The following B4GALT5 variants were observed in gnomAD, a reference collection of about 807,000 sequenced individuals.
B4GALT5 encodes the protein UDP-Gal:beta-GlcNAc beta-1,4-galactosyltransferase 5.
B4GALT5 carries 11 observed loss-of-function variants against 45.0 expected under a neutral mutation model. That is an observed-to-expected ratio of 0.24 (90% CI 0.15 to 0.40). The LOEUF is 0.40. Ranked by LOEUF, B4GALT5 falls within the 10% of genes least tolerant of loss-of-function variation. The pLI is 1.00. For synonymous variants in B4GALT5, 185 were observed against 182.9 expected, an observed-to-expected ratio of 1.01 and a Z score of -0.09; for missense variants, 337 against 500.2, an observed-to-expected ratio of 0.67 and a Z score of 3.11.
intron 1 of B4GALT5, among the ~76,000 whole-genome samples, chr20:49,676,863 C>T (rs570378742): frequency 1.4e-4 from 21 of 152,358 alleles, no homozygotes; most frequent in Admixed American, 6.5e-4. Context: ...AGATGACTAG[C>T]ACTGCTGTTT....
Position 49,695,174 on chromosome 20 carries a change from C to T in B4GALT5, c.115+18402G>A, listed in dbSNP as rs150454287. Reference sequence around the variant, plus strand: ...CTCCAATTTTTCATAATCTCTATGGCTTTTATTGAACAATCTGGCATAGTG... The same window carrying T: ...CTCCAATTTTTCATAATCTCTATGGTTTTTATTGAACAATCTGGCATAGTG... On this transcript the variant is annotated intron_variant, in intron 1 of 8. Coordinates refer to ENST00000371711, the MANE Select transcript of B4GALT5 (RefSeq NM_004776.4). 6.0e-5 allele frequency among the ~76,000 whole-genome samples: 9 copies of T among 149,246 alleles called. No homozygotes were observed. The East Asian group carries it at 1.8e-3, about 29-fold the overall frequency.
At chr20:49,708,659 T>C (rs1169718737) in intron 1 of B4GALT5, among the ~76,000 whole-genome samples, 1 of 152,076 alleles carries the variant, frequency 6.6e-6, no homozygotes, top group Non-Finnish European at 1.5e-5. Flanking sequence ...ATTAATAAAA[T>C]GTCATCGGCC....
chr20:49,643,439 C>A, intron 4 of B4GALT5, 87 bp downstream of exon 4: 1 of 1,513,998 alleles, frequency 6.6e-7, no homozygotes, highest in South Asian at 1.2e-5. Flanking sequence ...GACAAAATGT[C>A]ATGGTTAGCT....
rs1269138256 is a variant in B4GALT5 at position 49,635,065 on chromosome 20, T to C, written c.*1247A>G. The stretch of plus-strand genomic sequence containing the variant: ...TCCCTATTTGAGTGCTCCTTGGTTC[T>C]ATGTATCAGTTACTAATGTTGACAA... On this transcript the variant is annotated 3_prime_UTR_variant, in exon 9 of 9. Transcript: ENST00000371711. 1 of 152,246 alleles carries C rather than the reference T, an allele frequency of 6.6e-6. No homozygotes were observed. Among genetic ancestry groups the C allele is most frequent in the Admixed American group, 6.5e-5 (1 of 15,288 alleles). 9.4% of individuals were successfully genotyped at this position (152,246 alleles called of 1,614,324 possible).
chr20:49,689,877 T>G (rs2085802981), intron 1 of B4GALT5, among the ~76,000 whole-genome samples: 1 of 152,200 alleles, frequency 6.6e-6, no homozygotes, highest in Non-Finnish European at 1.5e-5. Context: ...TCTCTCAGAA[T>G]AAATGTTTTT....
intron 1 of B4GALT5, chr20:49,684,615 A>G (rs776282865): frequency 3.9e-6 from 2 of 518,930 alleles, no homozygotes; most frequent in South Asian, 1.4e-5. Flanking sequence ...CAAGGACATA[A>G]GCACGCAAAA....
At chr20:49,657,999 C>A (rs1029635393) in intron 1 of B4GALT5, among the ~76,000 whole-genome samples, 2 of 152,126 alleles carry the variant, frequency 1.3e-5, no homozygotes, top group East Asian at 1.9e-4. Context: ...GATTTCAAAT[C>A]ATCTCTTAAG....
At chr20:49,671,441 T>C (rs1438671992) in intron 1 of B4GALT5, among the ~76,000 whole-genome samples, 1 of 152,148 alleles carries the variant, frequency 6.6e-6, no homozygotes, top group Non-Finnish European at 1.5e-5. Context: ...GGAGCAGTAA[T>C]AAAAGCAGAG....
chr20:49,639,896 G>A, intron 6 of B4GALT5, 96 bp from the exon 7 acceptor site: 1 of 1,504,204 alleles, frequency 6.6e-7, no homozygotes, highest in Non-Finnish European at 9.0e-7. Flanking sequence ...AGTGCTCTCT[G>A]TGCTCCTGAC....
intron 1 of B4GALT5, among the ~76,000 whole-genome samples, chr20:49,671,605 G>A (rs2085716263): frequency 2.0e-5 from 3 of 152,142 alleles, no homozygotes; most frequent in Non-Finnish European, 4.4e-5. Flanking sequence ...CTGTGTGGCA[G>A]AATTACAGGT....
At chr20:49,643,465 C>G in intron 4 of B4GALT5, 61 bp downstream of exon 4, 2 of 1,594,940 alleles carry the variant, frequency 1.3e-6, no homozygotes, top group Non-Finnish European at 1.7e-6. Context: ...CATGGTGATT[C>G]GGACCAAAGG....
intron 1 of B4GALT5, among the ~76,000 whole-genome samples, chr20:49,673,641 C>T (rs987561209): frequency 6.6e-6 from 1 of 152,110 alleles, no homozygotes; most frequent in Non-Finnish European, 1.5e-5. Flanking sequence ...GATCACTTCT[C>T]GGCCTTCTGG....
At chr20:49,665,836 C>A (rs1345006119) in intron 1 of B4GALT5, among the ~76,000 whole-genome samples, 3 of 151,064 alleles carry the variant, frequency 2.0e-5, no homozygotes, top group Non-Finnish European at 4.4e-5. Flanking sequence ...GAGGGAGCAG[C>A]ATAAATGAAA....
intron 1 of B4GALT5, among the ~76,000 whole-genome samples, chr20:49,694,866 A>C (rs2085832279): frequency 6.6e-6 from 1 of 150,718 alleles, no homozygotes. Context: ...ACACCCCTGA[A>C]GCATCTACCA....
chr20:49,707,756 A>G (rs1424445189), intron 1 of B4GALT5, among the ~76,000 whole-genome samples: 2 of 152,072 alleles, frequency 1.3e-5, no homozygotes, highest in African/African-American at 4.8e-5. Flanking sequence ...CTGGGATTAC[A>G]GGCAGGCACC....
intron 1 of B4GALT5, among the ~76,000 whole-genome samples, chr20:49,678,188 A>C (rs1329322486): frequency 6.6e-6 from 1 of 152,214 alleles, no homozygotes; most frequent in African/African-American, 2.4e-5. Flanking sequence ...TGGGGCCTTG[A>C]TCTCACCCCT....
rs1302918297 is a variant in B4GALT5, at chr20:49,687,757, A to C, written c.115+25819T>G. 2.6e-5 allele frequency among the ~76,000 whole-genome samples: 4 copies of C among 152,318 alleles called. No individual in the cohort carries two copies. In the South Asian group the frequency reaches 8.3e-4, roughly 32 times the overall value. ...ACAGACTAGCATCACCTTTTCTGCA[A>C]CATAAGTAACAATGCACATGTGCAA... On this transcript the variant is annotated intron_variant, in intron 1 of 8. Coordinates refer to ENST00000371711, the MANE Select transcript of B4GALT5 (RefSeq NM_004776.4).
In B4GALT5 at chr20:49,678,403, T is replaced by C. The variant is rs1290952993; in HGVS notation, c.116-21701A>G. 2.0e-5 allele frequency among the ~76,000 whole-genome samples: 3 copies of C among 152,236 alleles called. No homozygotes were observed. In the East Asian group the frequency reaches 5.8e-4, roughly 29 times the overall value. Reference sequence around the variant, plus strand: ...GAACAATAATTTGGCTGGACAAGAATGCAGGCCCTTTTCTGAGTTCACTCT... The same window carrying C: ...GAACAATAATTTGGCTGGACAAGAACGCAGGCCCTTTTCTGAGTTCACTCT... On this transcript the variant is annotated intron_variant, in intron 1 of 8. Transcript: ENST00000371711.
intron 1 of B4GALT5, among the ~76,000 whole-genome samples, chr20:49,703,617 G>C (rs923976274): frequency 2.6e-5 from 4 of 152,072 alleles, no homozygotes; most frequent in Admixed American, 2.0e-4. Flanking sequence ...AGCCGGGCAT[G>C]GTGGCTCAAG....
Sources: gnomAD v4.1 joint callset for allele counts (sites outside exome capture counted in the v4.1 genomes callset) on GRCh38, gnomAD v4.1.1 for gene constraint, MANE v1.5 for transcripts, NCBI Gene and HGNC (gene_info 2026-07-23, HGNC 2026-07-21) for gene names.